Variants in MINAR2 observed in about 807,000 individuals in gnomAD.
The protein encoded by MINAR2 is membrane integral NOTCH2 associated receptor 2, also known as major intrinsically disordered NOTCH2-binding receptor 1-like.
In MINAR2, 21 loss-of-function variants were observed where a neutral mutation model predicts 16.1. The observed-to-expected ratio is 1.31, with a 90% CI of 0.93 to 1.88. MINAR2 has a LOEUF of 1.88. Ranked by LOEUF, MINAR2 falls within the 40% of genes most tolerant of loss-of-function variation. The pLI, the probability that MINAR2 is intolerant of heterozygous loss-of-function variation, is 0.00. For missense variants in MINAR2, 259 were observed against 229.8 expected, an observed-to-expected ratio of 1.13 and a Z score of -0.82; for synonymous variants, 86 against 83.0, an observed-to-expected ratio of 1.04 and a Z score of -0.20.
chr5:129,750,469 A>T (rs549826087), intron 1 of MINAR2, among the ~76,000 whole-genome samples: 2 of 152,308 alleles, frequency 1.3e-5, no homozygotes, highest in South Asian at 4.1e-4. Context: ...TTGGTTTCTT[A>T]TCTCAAATTC....
intron 1 of MINAR2, among the ~76,000 whole-genome samples, chr5:129,754,943 G>T (rs1177044507): frequency 1.3e-5 from 2 of 152,056 alleles, no homozygotes; most frequent in Non-Finnish European, 2.9e-5. Context: ...TAAAATAAGT[G>T]TTTCTAATAT....
chr5:129,761,906 G>A (rs1019254884), intron 2 of MINAR2, among the ~76,000 whole-genome samples: 6 of 152,010 alleles, frequency 3.9e-5, no homozygotes, highest in African/African-American at 9.7e-5. Flanking sequence ...GGAAGCTAAC[G>A]GTAATAGTAA....
At position 129,765,071 on chromosome 5, in the gene MINAR2, G is replaced by T. The variant is rs1758192783; in HGVS notation, c.*8G>T. On this transcript the variant is annotated 3_prime_UTR_variant, in exon 3 of 3. Transcript: ENST00000564719. Reference sequence around the variant, plus strand: ...ATTACTTTTTTCACCTGAGGAAACTGCAACAATCAGAGCTACTTTAAATTT... The same window carrying T: ...ATTACTTTTTTCACCTGAGGAAACTTCAACAATCAGAGCTACTTTAAATTT... 7 of 1,264,428 alleles carry T rather than the reference G, an allele frequency of 5.5e-6. No individual in the cohort carries two copies. Among genetic ancestry groups the T allele is most frequent in the Non-Finnish European group, 7.0e-6 (7 of 1,002,572 alleles). The allele number at this position is 1,264,428 out of a possible 1,614,324, so 78.3% of individuals were successfully genotyped here.
At chr5:129,752,119 T>A (rs1203629163) in intron 1 of MINAR2, among the ~76,000 whole-genome samples, 1 of 152,232 alleles carries the variant, frequency 6.6e-6, no homozygotes, top group East Asian at 1.9e-4. Flanking sequence ...TTTACACTGT[T>A]GGTGGGAATG....
intron 1 of MINAR2, among the ~76,000 whole-genome samples, chr5:129,757,882 CTT>C (rs1758076080): frequency 6.6e-6 from 1 of 151,722 alleles, no homozygotes; most frequent in African/African-American, 2.4e-5. Context: ...TTCTGTCTTT[CTT>C]TCTCTCTCAT....
intron 1 of MINAR2, among the ~76,000 whole-genome samples, chr5:129,756,241 A>T (rs1173662994): frequency 6.6e-6 from 1 of 152,106 alleles, no homozygotes; most frequent in Non-Finnish European, 1.5e-5. Flanking sequence ...ATATATTTTT[A>T]AAATAAGTAT....
intron 1 of MINAR2, among the ~76,000 whole-genome samples, chr5:129,750,108 G>C (rs1048633234): frequency 1.3e-5 from 2 of 152,118 alleles, no homozygotes; most frequent in Admixed American, 1.3e-4. Context: ...ACAAATTCAG[G>C]TAATCAGGTA....
intron 1 of MINAR2, among the ~76,000 whole-genome samples, chr5:129,753,377 G>C (rs561421625): frequency 6.6e-6 from 1 of 151,408 alleles, no homozygotes; most frequent in South Asian, 2.1e-4. Context: ...CAGCTACTCA[G>C]GAGGCTGAGG....
At chr5:129,763,600 G>C (rs960030340) in intron 2 of MINAR2, among the ~76,000 whole-genome samples, 5 of 152,144 alleles carry the variant, frequency 3.3e-5, no homozygotes, top group African/African-American at 1.2e-4. Flanking sequence ...CTGATGATAG[G>C]ACACAAAATG....
chr5:129,761,013 C>T (rs1030458396), intron 2 of MINAR2, among the ~76,000 whole-genome samples: 1 of 152,168 alleles, frequency 6.6e-6, no homozygotes, highest in Non-Finnish European at 1.5e-5. Flanking sequence ...CTGTGTTAGG[C>T]ACTGTGCAAG....
intron 1 of MINAR2, among the ~76,000 whole-genome samples, chr5:129,749,281 C>A (rs904014120): frequency 8.5e-5 from 13 of 152,100 alleles, no homozygotes; most frequent in African/African-American, 3.1e-4. Context: ...AATTTGTTTT[C>A]TTTTAAGAAC....
At position 129,765,028 on chromosome 5, in the gene MINAR2, GT is replaced by G; in HGVS notation, c.540del (p.Thr181ProfsTer2). 7.5e-7 allele frequency: 1 copy of G among 1,335,702 alleles called. No homozygotes were observed. Among genetic ancestry groups the G allele is most frequent in the South Asian group, 2.2e-5 (1 of 45,244 alleles). The allele number at this position is 1,335,702 out of a possible 1,614,324, so 82.7% of individuals were successfully genotyped here. A position where few individuals can be genotyped will look rare whatever the true frequency, so the allele number is the denominator to read the frequency against. ...TTTACTTGTCGTTATCTCCATCTTG[GT>G]TACCATAGTGACTATCATTACTTTT... is the stretch of plus-strand genomic sequence containing the variant. ...LILLVVISIL[V>X]TIVTIITFFT is the part of the protein sequence containing the mutation. On this transcript the variant is annotated frameshift_variant, in exon 3 of 3. Transcript: ENST00000564719. LOFTEE classifies it high-confidence loss of function.
intron 1 of MINAR2, among the ~76,000 whole-genome samples, chr5:129,759,398 C>T (rs1561685242): frequency 1.3e-5 from 2 of 152,048 alleles, no homozygotes; most frequent in Non-Finnish European, 2.9e-5. Flanking sequence ...TTTGATTCTT[C>T]TCAATTTGTA....
chr5:129,756,829 G>A (rs765595953), intron 1 of MINAR2, among the ~76,000 whole-genome samples: 17 of 149,044 alleles, frequency 1.1e-4, no homozygotes, highest in Non-Finnish European at 1.9e-4. Flanking sequence ...ATCTAGCAAA[G>A]CTTTTGACCG....
At chr5:129,748,453 G>C (rs1202939037) in intron 1 of MINAR2, 98 bp downstream of exon 1, 2 of 1,267,590 alleles carry the variant, frequency 1.6e-6, no homozygotes, top group African/African-American at 1.5e-5. Context: ...TATAGGAACA[G>C]AGTACAAGGT....
In MINAR2 at chr5:129,760,528, A is replaced by T. The variant is rs1441376506; in HGVS notation, c.316A>T (p.Arg106Ter). The T allele has an allele frequency of 6.5e-7, 1 of 1,535,720 alleles. No homozygotes were observed. Among genetic ancestry groups the T allele is most frequent in the South Asian group, 1.2e-5 (1 of 84,054 alleles). The change falls in exon 2 of 3, where the codon AGA (arginine) becomes TGA (stop). Residue 106 changes from arginine (R) to a stop codon, truncating the protein, a stop_gained. Coordinates refer to ENST00000564719, the MANE Select transcript of MINAR2 (RefSeq NM_001257308.2). LOFTEE classifies it high-confidence loss of function. ...AAGTTTGGAGGAAGCTATGGAAGAA[A>T]GAAAAAAGAACCCCTCATGGACCAT... Reference protein sequence around the residue: ...DLSLEEAMEERKKNPSWTIEE... With the variant: ...DLSLEEAMEE
rs112952561 is a variant in MINAR2, at chr5:129,758,605, C to T, written c.166-1773C>T. 2.0e-3 allele frequency among the ~76,000 whole-genome samples: 297 copies of T among 151,770 alleles called. 1 individual carries two copies. The highest frequency in any genetic ancestry group is 6.1e-3 in the African/African-American group (253 of 41,448). On this transcript the variant is annotated intron_variant, in intron 1 of 2. Transcript: ENST00000564719. ...TGTGTACTTTTTTTCTTGATCTCCC[C>T]AAAACTGTATTTTCATTTATAGATC...
At chr5:129,751,471 G>C (rs111391933) in intron 1 of MINAR2, among the ~76,000 whole-genome samples, 1,779 of 152,280 alleles carry the variant, frequency 0.012, 33 homozygotes, top group African/African-American at 0.04. Flanking sequence ...GCCTCCCAAA[G>C]TGCTCAATTA....
At position 129,748,140 on chromosome 5, in the gene MINAR2, G is replaced by T; in HGVS notation, c.-51G>T. ...AGGCACATTAATAATGGAGGAGTCT[G>T]ACAAGAGCAGCTTTGCCTGTCTTTG... On this transcript the variant is annotated 5_prime_UTR_variant, in exon 1 of 3. Transcript: ENST00000564719. The T allele has an allele frequency of 6.6e-7, 1 of 1,506,704 alleles. No homozygotes were observed. Among genetic ancestry groups the T allele is most frequent in the South Asian group, 1.2e-5 (1 of 80,894 alleles). 93.3% of individuals were successfully genotyped at this position (1,506,704 alleles called of 1,614,324 possible).
Sources: gnomAD v4.1 joint callset for allele counts (sites outside exome capture counted in the v4.1 genomes callset) on GRCh38, gnomAD v4.1.1 for gene constraint, MANE v1.5 for transcripts, NCBI Gene and HGNC (gene_info 2026-07-23, HGNC 2026-07-21) for gene names.